Variants in OXR1 observed in about 807,000 individuals in gnomAD.
OXR1 encodes oxidation resistance 1, also known as oxidation resistance protein 1.
A neutral mutation model predicts 104.6 loss-of-function variants in OXR1; 41 were observed. That is an observed-to-expected ratio of 0.39 (90% CI 0.31 to 0.51). The LOEUF is 0.51. Among genes scored for constraint, OXR1 ranks in the 20% least tolerant of loss-of-function variants. The pLI is 0.77. For missense variants in OXR1, 955 were observed against 1,031.9 expected, an observed-to-expected ratio of 0.93 and a Z score of 1.02; for synonymous variants, 348 against 348.4, an observed-to-expected ratio of 1.00 and a Z score of 0.01.
Position 106,698,111 on chromosome 8 carries a change from A to T in OXR1, c.676-4795A>T, listed in dbSNP as rs774335955. The T allele has an allele frequency of 2.2e-5, 16 of 743,444 alleles. No homozygotes were observed. The South Asian group carries it at 2.7e-4, about 12-fold the overall frequency. 46.1% of individuals were successfully genotyped at this position (743,444 alleles called of 1,614,324 possible). A position where few individuals can be genotyped will look rare whatever the true frequency, so the allele number is the denominator to read the frequency against. ...CTGCAGCTGCCGAGCTTCTTCTTAC[A>T]TGCTTATTTTCTACCCAGATATCCT... On this transcript the variant is annotated intron_variant, in intron 7 of 16. Coordinates refer to ENST00000517566, the MANE Select transcript of OXR1 (RefSeq NM_001198533.2).
chr8:106,327,631 T>G (rs191436353), intron 1 of OXR1, among the ~76,000 whole-genome samples: 100 of 152,348 alleles, frequency 6.6e-4, no homozygotes, highest in Admixed American at 1.2e-3. Flanking sequence ...TTCAGATTCC[T>G]AATGTTTTTA....
chr8:106,665,999 A>G (rs1826278707), intron 3 of OXR1, among the ~76,000 whole-genome samples: 1 of 152,192 alleles, frequency 6.6e-6, no homozygotes. Context: ...AACAAACCAA[A>G]AAGCTTATTT....
At chr8:106,295,915 TG>T (rs1812976777) in intron 1 of OXR1, among the ~76,000 whole-genome samples, 1 of 152,184 alleles carries the variant, frequency 6.6e-6, no homozygotes, top group African/African-American at 2.4e-5. Flanking sequence ...ACCTCTGTCC[TG>T]AAGAGTGAGT....
In OXR1 at chr8:106,544,510, T is replaced by C. The variant is rs1815200487; in HGVS notation, c.220+25371T>C. ...GATTTGTTGTCTATTGGAAAGCGATTATGTCTATAACATCAGTGAAAAGAG... is the reference window on the plus strand; with the variant it reads ...GATTTGTTGTCTATTGGAAAGCGATCATGTCTATAACATCAGTGAAAAGAG... On this transcript the variant is annotated intron_variant, in intron 3 of 16. Coordinates refer to ENST00000517566, the MANE Select transcript of OXR1 (RefSeq NM_001198533.2). 3.3e-5 allele frequency among the ~76,000 whole-genome samples: 5 copies of C among 152,360 alleles called. No homozygotes were observed. The South Asian group carries it at 1.0e-3, about 32-fold the overall frequency.
At position 106,704,393 on chromosome 8, in the gene OXR1, C is replaced by CTTTTTTTTTTTTTTTTTTT. The variant is rs71307084; in HGVS notation, c.860+1316_860+1334dup. On this transcript the variant is annotated intron_variant, in intron 8 of 16. Coordinates refer to ENST00000517566, the MANE Select transcript of OXR1 (RefSeq NM_001198533.2). ...TTTTTCTTTTTCTTTCTTTCTTCTT[C>CTTTTTTTTTTTTTTTTTTT]TTTTTTTTTTTTTTTTTTTTTTTTT... Among the ~76,000 whole-genome samples the CTTTTTTTTTTTTTTTTTTT allele has an allele frequency of 1.0e-3, 50 of 47,886 alleles. 1 individual carries two copies. The highest frequency in any genetic ancestry group is 1.9e-3 in the African/African-American group (19 of 9,930). The allele number at this position is 47,886 out of a possible 152,430, so 31.4% of individuals were successfully genotyped here. A position where few individuals can be genotyped will look rare whatever the true frequency, so the allele number is the denominator to read the frequency against.
At chr8:106,306,824 C>G (rs1448972979) in intron 1 of OXR1, among the ~76,000 whole-genome samples, 1 of 152,108 alleles carries the variant, frequency 6.6e-6, no homozygotes, top group Admixed American at 6.5e-5. Flanking sequence ...AACTGCTAAC[C>G]CTTACCCAAC....
At chr8:106,678,003 A>G (rs974387088) in intron 3 of OXR1, among the ~76,000 whole-genome samples, 10 of 152,204 alleles carry the variant, frequency 6.6e-5, no homozygotes, top group African/African-American at 2.4e-4. Flanking sequence ...GGAGGTTACA[A>G]TTTAGTGGAA....
At chr8:106,572,096 G>A (rs1338940516) in intron 3 of OXR1, among the ~76,000 whole-genome samples, 5 of 152,206 alleles carry the variant, frequency 3.3e-5, no homozygotes, top group African/African-American at 4.8e-5. Context: ...CCCTCTGCCT[G>A]TGATGGGAGT....
chr8:106,293,290 C>T (rs1254258101), intron 1 of OXR1, among the ~76,000 whole-genome samples: 1 of 152,212 alleles, frequency 6.6e-6, no homozygotes, highest in African/African-American at 2.4e-5. Context: ...CATTGATTTA[C>T]ATTCTAGCAC....
chr8:106,436,535 T>C (rs756934185), intron 2 of OXR1, among the ~76,000 whole-genome samples: 2 of 144,698 alleles, frequency 1.4e-5, no homozygotes, highest in Non-Finnish European at 3.0e-5. Flanking sequence ...AAAAAAAAAA[T>C]GAAGATGAGA....
intron 2 of OXR1, among the ~76,000 whole-genome samples, chr8:106,468,055 T>C (rs972925249): frequency 1.3e-5 from 2 of 151,714 alleles, no homozygotes; most frequent in Non-Finnish European, 2.9e-5. Flanking sequence ...TGGTAATGAT[T>C]ATGGGAATGA....
chr8:106,329,837 G>A (rs1486644146), intron 1 of OXR1, among the ~76,000 whole-genome samples: 7 of 151,894 alleles, frequency 4.6e-5, no homozygotes, highest in East Asian at 3.9e-4. Context: ...TACTTTTCTG[G>A]GTCTTAGTTT....
At chr8:106,323,711 A>G (rs1042396840) in intron 1 of OXR1, among the ~76,000 whole-genome samples, 10 of 152,220 alleles carry the variant, frequency 6.6e-5, no homozygotes, top group Non-Finnish European at 1.2e-4. Flanking sequence ...ACATGAACAG[A>G]TACTTCTCCA....
chr8:106,318,084 A>C (rs1223532814), intron 1 of OXR1, among the ~76,000 whole-genome samples: 1 of 152,170 alleles, frequency 6.6e-6, no homozygotes, highest in Non-Finnish European at 1.5e-5. Context: ...TATACTGGGC[A>C]TATGTGATGC....
At chr8:106,567,224 T>C (rs1817147366) in intron 3 of OXR1, among the ~76,000 whole-genome samples, 1 of 152,178 alleles carries the variant, frequency 6.6e-6, no homozygotes, top group Non-Finnish European at 1.5e-5. Context: ...GAACTTTTTC[T>C]TTTATACATG....
At chr8:106,401,787 G>A (rs1165604829) in intron 2 of OXR1, among the ~76,000 whole-genome samples, 1 of 152,064 alleles carries the variant, frequency 6.6e-6, no homozygotes, top group Non-Finnish European at 1.5e-5. Flanking sequence ...TCCCACCCTG[G>A]CATGCGGTAA....
chr8:106,474,207 A>C (rs2129676159), intron 2 of OXR1, among the ~76,000 whole-genome samples: 1 of 151,646 alleles, frequency 6.6e-6, no homozygotes, highest in Non-Finnish European at 1.5e-5. Flanking sequence ...TATGCTTGGA[A>C]GTCATGAGCT....
intron 2 of OXR1, among the ~76,000 whole-genome samples, chr8:106,392,937 C>G (rs1478190668): frequency 6.6e-6 from 1 of 152,166 alleles, no homozygotes; most frequent in African/African-American, 2.4e-5. Flanking sequence ...TTGCCATACG[C>G]AGCTTCAAAA....
intron 16 of OXR1, among the ~76,000 whole-genome samples, chr8:106,747,737 C>A (rs1424496194): frequency 2.0e-5 from 3 of 152,090 alleles, no homozygotes; most frequent in Non-Finnish European, 4.4e-5. Context: ...ACAAATAATC[C>A]AATTTTATAT....
Sources: gnomAD v4.1 joint callset for allele counts (sites outside exome capture counted in the v4.1 genomes callset) on GRCh38, gnomAD v4.1.1 for gene constraint, MANE v1.5 for transcripts, NCBI Gene and HGNC (gene_info 2026-07-23, HGNC 2026-07-21) for gene names.